Variants in MCTP1 observed in about 807,000 individuals in gnomAD.
MCTP1 encodes the protein multiple C2 and transmembrane domain-containing protein 1.
Under a neutral mutation model 120.6 loss-of-function variants are expected in MCTP1, and 69 were observed. The ratio of observed to expected loss-of-function variants is 0.57; its 90% confidence interval spans 0.47 to 0.70. The LOEUF (loss-of-function observed/expected upper bound fraction) is 0.70. Ranked by LOEUF, MCTP1 falls within the 30% of genes least tolerant of loss-of-function variation. The pLI, the probability that MCTP1 is intolerant of heterozygous loss-of-function variation, is 0.00. For missense variants in MCTP1, 1,203 were observed against 1,248.8 expected, an observed-to-expected ratio of 0.96 and a Z score of 0.55; for synonymous variants, 529 against 493.1, an observed-to-expected ratio of 1.07 and a Z score of -0.96.
At chr5:94,897,945 TA>T (rs1319259076) in intron 10 of MCTP1, among the ~76,000 whole-genome samples, 1 of 152,206 alleles carries the variant, frequency 6.6e-6, no homozygotes, top group African/African-American at 2.4e-5. Flanking sequence ...TTTTATGCTT[TA>T]AAAATATATA....
intron 1 of MCTP1, among the ~76,000 whole-genome samples, chr5:95,179,776 A>G (rs910653747): frequency 2.0e-5 from 3 of 152,172 alleles, no homozygotes; most frequent in African/African-American, 7.2e-5. Context: ...CAATGAAAAA[A>G]TAAACAAGGT....
Position 95,284,160 on chromosome 5 carries a change from G to A in MCTP1, c.416C>T (p.Ala139Val), listed in dbSNP as rs1413924212. The A allele has an allele frequency of 9.6e-6, 15 of 1,565,018 alleles. No homozygotes were observed. Among genetic ancestry groups the A allele is most frequent in the African/African-American group, 1.4e-5 (1 of 73,070 alleles). ...AGGCGTCCCTCCCGCTGCTCCCGAGGCCGCCGCGGGCCCCTTTACGGCGGG... is the reference window on the plus strand; with the variant it reads ...AGGCGTCCCTCCCGCTGCTCCCGAGACCGCCGCGGGCCCCTTTACGGCGGG... ...LLPAVKGPAA[A>V]SGAAGGTPPG... is the part of the protein sequence containing the mutation. Residue 139 changes from alanine (A) to valine (V), a missense_variant, in exon 1 of 23, where the codon GCC (alanine) becomes GTC (valine). Ala to Val is a moderately conservative substitution (Grantham distance 64, BLOSUM62 0). Around this residue, in one of 2 missense-constraint regions of MCTP1, gnomAD observed 463 missense variants for 377.8 expected, o/e 1.23. Transcript: ENST00000515393. This position sits in a 1 kb window ranked among gnomAD's most constrained non-coding sequence, Gnocchi z 5.2.
chr5:94,946,344 A>G (rs890624801), intron 3 of MCTP1, among the ~76,000 whole-genome samples: 1 of 152,150 alleles, frequency 6.6e-6, no homozygotes, highest in Non-Finnish European at 1.5e-5. Context: ...CTCATATCAC[A>G]TGCCTATTTA....
rs549276989 is a variant in MCTP1 at position 95,193,113 on chromosome 5, T to A, written c.720+90743A>T. Among the ~76,000 whole-genome samples, 170 of 152,258 alleles carry A rather than the reference T, an allele frequency of 1.1e-3. 2 individuals carry two copies. The highest frequency in any genetic ancestry group is 3.8e-3 in the African/African-American group (158 of 41,558). ...AATTATGTTTTAATAAACTGAGTAA[T>A]TTTTAAAAACTAATTTTGGAGCATG... is the stretch of plus-strand genomic sequence containing the variant. On this transcript the variant is annotated intron_variant, in intron 1 of 22. Transcript: ENST00000515393.
At chr5:94,874,617 G>A (rs1798431721) in intron 12 of MCTP1, among the ~76,000 whole-genome samples, 1 of 152,090 alleles carries the variant, frequency 6.6e-6, no homozygotes, top group Non-Finnish European at 1.5e-5. Flanking sequence ...GGTGAAAATT[G>A]TACTTCTGGC....
chr5:95,238,604 A>G (rs1582627325), intron 1 of MCTP1, among the ~76,000 whole-genome samples: 1 of 152,306 alleles, frequency 6.6e-6, no homozygotes, highest in Admixed American at 6.5e-5. Context: ...ACAGGCACAC[A>G]TAGCTCATTC....
chr5:95,101,370 G>T (rs940453241), intron 1 of MCTP1, among the ~76,000 whole-genome samples: 1 of 152,102 alleles, frequency 6.6e-6, no homozygotes, highest in African/African-American at 2.4e-5. Context: ...AACATACAGG[G>T]AAGAAAACAT....
At chr5:94,989,315 A>C (rs1417027312) in intron 2 of MCTP1, among the ~76,000 whole-genome samples, 1 of 152,108 alleles carries the variant, frequency 6.6e-6, no homozygotes, top group Non-Finnish European at 1.5e-5. Context: ...TTTAACTTAG[A>C]CCCTACATTA....
intron 19 of MCTP1, among the ~76,000 whole-genome samples, chr5:94,721,800 T>C (rs1238730085): frequency 6.6e-6 from 1 of 150,976 alleles, no homozygotes; most frequent in Non-Finnish European, 1.5e-5. Context: ...GAAAGAAATA[T>C]CATAGAGTAG....
intron 19 of MCTP1, among the ~76,000 whole-genome samples, chr5:94,736,433 A>T (rs1271027165): frequency 6.6e-6 from 1 of 152,158 alleles, no homozygotes; most frequent in Non-Finnish European, 1.5e-5. Flanking sequence ...CAGTGAGGCG[A>T]AATTGTGCCA....
Position 94,714,763 on chromosome 5 carries a change from T to C in MCTP1, c.2720+14A>G. The C allele has an allele frequency of 6.9e-7, 1 of 1,440,160 alleles. No individual in the cohort carries two copies. Among genetic ancestry groups the C allele is most frequent in the Non-Finnish European group, 9.8e-7 (1 of 1,021,030 alleles). 89.2% of individuals were successfully genotyped at this position (1,440,160 alleles called of 1,614,324 possible). ...CCCACAGAAGAATGGGGCTCACAGG[T>C]CACCGTCACTCACTTCTTTATCCTT... On this transcript the variant is annotated intron_variant, in intron 20 of 22. Coordinates refer to ENST00000515393, the MANE Select transcript of MCTP1 (RefSeq NM_024717.7).
intron 17 of MCTP1, among the ~76,000 whole-genome samples, chr5:94,836,553 T>G (rs1255607757): frequency 6.6e-6 from 1 of 152,166 alleles, no homozygotes; most frequent in Non-Finnish European, 1.5e-5. Context: ...ATAAAGATAC[T>G]TGGGGTTGAG....
At chr5:94,908,834 T>G (rs1807653591) in intron 10 of MCTP1, among the ~76,000 whole-genome samples, 1 of 152,044 alleles carries the variant, frequency 6.6e-6, no homozygotes, top group Non-Finnish European at 1.5e-5. Flanking sequence ...TCCAAGGAGA[T>G]TACAAGCATT....
chr5:95,011,815 T>A (rs1836023263), intron 2 of MCTP1, among the ~76,000 whole-genome samples: 1 of 152,184 alleles, frequency 6.6e-6, no homozygotes. Flanking sequence ...AACCATTATT[T>A]ATTTTTTGCT....
At chr5:95,091,798 G>A (rs990233131) in intron 1 of MCTP1, among the ~76,000 whole-genome samples, 5 of 152,226 alleles carry the variant, frequency 3.3e-5, no homozygotes, top group Admixed American at 1.3e-4. Flanking sequence ...GTAGTTTTAA[G>A]CTGCTAGGTT....
In MCTP1 at chr5:94,799,031, A is replaced by T. The variant is rs747746224; in HGVS notation, c.2538T>A (p.Asp846Glu). The T allele has an allele frequency of 1.2e-6, 2 of 1,611,932 alleles. No homozygotes were observed. The highest frequency in any genetic ancestry group is 2.2e-5 in the South Asian group (2 of 90,922). The change falls in exon 18 of 23, where the codon GAT (aspartate) becomes GAA (glutamate). Residue 846 changes from aspartate (D) to glutamate (E), a missense_variant. This residue lies in a region of MCTP1 where 740 missense variants were observed against 871.1 expected (regional missense o/e 0.85). Coordinates refer to ENST00000515393, the MANE Select transcript of MCTP1 (RefSeq NM_024717.7). ...GACTTACTGTATCACGTTGCCTGTT[A>T]TCTTTCCCTGATATTATCAAGAAGT... ...WNYFLIISGKDNRQRDTVVED... is the reference protein window; with the variant it reads ...WNYFLIISGKENRQRDTVVED...
At chr5:95,248,041 T>C (rs113827476) in intron 1 of MCTP1, among the ~76,000 whole-genome samples, 7,982 of 152,208 alleles carry the variant, frequency 0.052, 262 homozygotes, top group African/African-American at 0.059. Flanking sequence ...TAAGAGCTAT[T>C]TATGACAAAA....
At chr5:94,769,022 GGTACATAT>G (rs1361444312) in intron 19 of MCTP1, among the ~76,000 whole-genome samples, 2 of 152,028 alleles carry the variant, frequency 1.3e-5, no homozygotes, top group Non-Finnish European at 2.9e-5. Context: ...AAGCAAATGT[GGTACATAT>G]GTACCCAATG....
intron 19 of MCTP1, among the ~76,000 whole-genome samples, chr5:94,764,828 C>CA (rs57246943): frequency 0.058 from 5,231 of 90,580 alleles, 206 homozygotes; most frequent in East Asian, 0.24. Context: ...TGACCTGGAC[C>CA]AAAAAAAAAA....
Sources: allele counts gnomAD v4.1 joint callset (sites outside exome capture counted in the v4.1 genomes callset), GRCh38; gene constraint gnomAD v4.1.1; regional missense constraint gnomAD v4.1.1; non-coding constraint Gnocchi (gnomAD v3.1); transcripts MANE v1.5; gene names NCBI Gene and HGNC (gene_info 2026-07-23, HGNC 2026-07-21).